Variants in GNPAT observed in about 807,000 individuals in gnomAD.
GNPAT encodes dihydroxyacetone phosphate acyltransferase.
A neutral mutation model predicts 78.4 loss-of-function variants in GNPAT; 30 were observed. The observed-to-expected ratio is 0.38, with a 90% CI of 0.29 to 0.52. The LOEUF (loss-of-function observed/expected upper bound fraction) is 0.52, where lower values mean the gene tolerates loss of function less well. GNPAT is among the 20% of genes least tolerant of loss of function. The probability of loss-of-function intolerance (pLI) is 0.84; values close to 1 mark genes in which losing one functional copy is unlikely to be tolerated. For synonymous variants in GNPAT, 271 were observed against 281.1 expected, an observed-to-expected ratio of 0.96 and a Z score of 0.36; for missense variants, 714 against 812.2, an observed-to-expected ratio of 0.88 and a Z score of 1.47.
intron 9 of GNPAT, chr1:231,269,805 C>T (rs1685503744): frequency 6.6e-6 from 1 of 152,192 alleles, no homozygotes; most frequent in African/African-American, 2.4e-5. Flanking sequence ...TAATCCATAA[C>T]TAAGAGTATC....
chr1:231,247,677 C>G (rs933129566), intron 1 of GNPAT, among the ~76,000 whole-genome samples: 1 of 152,210 alleles, frequency 6.6e-6, no homozygotes, highest in Non-Finnish European at 1.5e-5. Context: ...TTGATCACCA[C>G]TATATCCTCA....
At chr1:231,269,360 G>A (rs1685485699) in intron 9 of GNPAT, among the ~76,000 whole-genome samples, 2 of 152,156 alleles carry the variant, frequency 1.3e-5, no homozygotes, top group African/African-American at 4.8e-5. Flanking sequence ...GGCCCAGATG[G>A]GGTGGTGGGT....
Position 231,246,220 on chromosome 1 carries a change from G to A in GNPAT, c.79-4741G>A, listed in dbSNP as rs534451575. 2.6e-5 allele frequency among the ~76,000 whole-genome samples: 4 copies of A among 152,160 alleles called. No individual in the cohort carries two copies. In the South Asian group the frequency reaches 6.2e-4, roughly 24 times the overall value. ...GCTTTAAATCTGCCCTGGTGGGAGC[G>A]TATATCCCACAAAAATTGACAAATG... On this transcript the variant is annotated intron_variant, in intron 1 of 15. Coordinates refer to ENST00000366647, the MANE Select transcript of GNPAT (RefSeq NM_014236.4).
Position 231,273,923 on chromosome 1 carries a change from A to T in GNPAT, c.1604A>T (p.Asp535Val). 6.2e-7 allele frequency: 1 copy of T among 1,612,772 alleles called. No individual in the cohort carries two copies. The highest frequency in any genetic ancestry group is 8.5e-7 in the Non-Finnish European group (1 of 1,178,838). Residue 535 changes from aspartate to valine, a missense_variant and splice_region_variant, in exon 12 of 16, where the codon GAC becomes GTC. Physicochemically the swap from Asp to Val is radical, Grantham distance 152. Coordinates refer to ENST00000366647, the MANE Select transcript of GNPAT (RefSeq NM_014236.4). ...FIFLPGNTLKDFEEGCYLLCK... is the reference protein window; with the variant it reads ...FIFLPGNTLKVFEEGCYLLCK... Reference sequence around the variant, plus strand: ...TTATGGCTTCCTCTTCCCTTCTAGGACTTTGAAGAAGGCTGTTACCTGCTT... The same window carrying T: ...TTATGGCTTCCTCTTCCCTTCTAGGTCTTTGAAGAAGGCTGTTACCTGCTT...
At position 231,241,404 on chromosome 1, in the gene GNPAT, C is replaced by G; in HGVS notation, c.26C>G (p.Ser9Cys). 6.2e-7 allele frequency: 1 copy of G among 1,614,006 alleles called. No homozygotes were observed. Among genetic ancestry groups the G allele is most frequent in the South Asian group, 1.1e-5 (1 of 91,076 alleles). The change falls in exon 1 of 16, where the codon TCT becomes TGT. Residue 9 changes from serine to cysteine, a missense_variant. By Grantham distance (112) the Ser-to-Cys change is moderately radical. Coordinates refer to ENST00000366647, the MANE Select transcript of GNPAT (RefSeq NM_014236.4). MESSSSSN[S>C]YFSVGPTSPS... The stretch of plus-strand genomic sequence containing the variant: ...ATGGAGTCTTCCAGTTCATCTAACT[C>G]TTATTTCTCCGTTGGCCCAACCAGT...
intron 1 of GNPAT, among the ~76,000 whole-genome samples, chr1:231,242,397 A>C (rs1302522174): frequency 1.3e-5 from 2 of 152,240 alleles, no homozygotes; most frequent in African/African-American, 4.8e-5. Flanking sequence ...GCAGAGCAAG[A>C]TAAACACCCC....
chr1:231,270,649 A>G (rs1685536791), intron 9 of GNPAT, 109 bp from the exon 10 acceptor site: 5 of 1,064,210 alleles, frequency 4.7e-6, no homozygotes, highest in Non-Finnish European at 7.4e-6. Flanking sequence ...AAAACCTGTC[A>G]CTTGAAAATG....
At chr1:231,257,034 A>G (rs1401897574) in intron 2 of GNPAT, among the ~76,000 whole-genome samples, 1 of 152,246 alleles carries the variant, frequency 6.6e-6, no homozygotes, top group Admixed American at 6.5e-5. Flanking sequence ...TAAGTCTTAT[A>G]TTAGGTTTCT....
At chr1:231,252,697 T>G (rs527619791) in intron 2 of GNPAT, among the ~76,000 whole-genome samples, 5 of 151,854 alleles carry the variant, frequency 3.3e-5, no homozygotes, top group African/African-American at 1.2e-4. Context: ...AGGAATATGC[T>G]CTCTCCTTTT....
rs1294560847 is a variant in GNPAT at position 231,277,903 on chromosome 1, TAAAAG to T, written c.*366_*370del. The T allele has an allele frequency of 5.6e-6, 1 of 178,634 alleles. No homozygotes were observed. Among genetic ancestry groups the T allele is most frequent in the Admixed American group, 5.8e-5 (1 of 17,300 alleles). The allele number at this position is 178,634 out of a possible 1,614,324, so 11.1% of individuals were successfully genotyped here. A position where few individuals can be genotyped will look rare whatever the true frequency, so the allele number is the denominator to read the frequency against. On this transcript the variant is annotated 3_prime_UTR_variant, in exon 16 of 16. Transcript: ENST00000366647. The stretch of plus-strand genomic sequence containing the variant: ...TGACAACACTGAAAGCTCTGGATAT[TAAAAG>T]AAAATGAAAAGGGCATATCTACGTT...
chr1:231,245,371 G>A (rs1266539272), intron 1 of GNPAT, among the ~76,000 whole-genome samples: 2 of 151,806 alleles, frequency 1.3e-5, no homozygotes, highest in Non-Finnish European at 2.9e-5. Context: ...CAGCCTCCCA[G>A]TAGCTAGGAC....
Position 231,267,716 on chromosome 1 carries a change from C to T in GNPAT, c.1092C>T (p.Ala364=), listed in dbSNP as rs767164085. Residue 364 remains alanine, a synonymous_variant, in exon 9 of 16, where the codon GCC becomes GCT. Coordinates refer to ENST00000366647, the MANE Select transcript of GNPAT (RefSeq NM_014236.4). ...AGAAACAGTCTGAGGACATGCATGC[C>T]TTTGTCACTGAAGTTGCCTACAAAA... ...IPQKQSEDMH[A]FVTEVAYKME... 7 of 1,609,922 alleles carry T rather than the reference C, an allele frequency of 4.3e-6. No individual in the cohort carries two copies. In the East Asian group the frequency reaches 1.6e-4, roughly 36 times the overall value.
Position 231,267,713 on chromosome 1 carries a change from T to C in GNPAT, c.1089T>C (p.His363=). 1 of 1,608,468 alleles carries C rather than the reference T, an allele frequency of 6.2e-7. No homozygotes were observed. Among genetic ancestry groups the C allele is most frequent in the Middle Eastern group, 1.7e-4 (1 of 6,054 alleles). Residue 363 remains histidine (H), a synonymous_variant, in exon 9 of 16, where the codon CAT becomes CAC. Coordinates refer to ENST00000366647, the MANE Select transcript of GNPAT (RefSeq NM_014236.4). ...YIPQKQSEDM[H]AFVTEVAYKM... is the part of the protein sequence containing the mutation. ...CTCAGAAACAGTCTGAGGACATGCATGCCTTTGTCACTGAAGTTGCCTACA... is the reference window on the plus strand; with the variant it reads ...CTCAGAAACAGTCTGAGGACATGCACGCCTTTGTCACTGAAGTTGCCTACA...
At chr1:231,269,677 A>G (rs1319378394) in intron 9 of GNPAT, among the ~76,000 whole-genome samples, 1 of 152,214 alleles carries the variant, frequency 6.6e-6, no homozygotes, top group South Asian at 2.1e-4. Flanking sequence ...GTTGGATGTC[A>G]TGAGAAATAG....
chr1:231,251,768 A>G (rs978494765), intron 2 of GNPAT, among the ~76,000 whole-genome samples: 1 of 152,208 alleles, frequency 6.6e-6, no homozygotes, highest in Non-Finnish European at 1.5e-5. Context: ...CTCTTGGAGA[A>G]GCTATCAGTT....
At chr1:231,251,233 C>A in intron 2 of GNPAT, 90 bp downstream of exon 2, 1 of 753,872 alleles carries the variant, frequency 1.3e-6, no homozygotes. Context: ...TTAATATATC[C>A]TTTTAGGCTG....
At position 231,274,220 on chromosome 1, in the gene GNPAT, C is replaced by T. The variant is rs569978586; in HGVS notation, c.1743+158C>T. Among the ~76,000 whole-genome samples the T allele has an allele frequency of 2.6e-5, 4 of 152,334 alleles. No homozygotes were observed. In the South Asian group the frequency reaches 8.3e-4, roughly 32 times the overall value. ...TAATACGATCAGTGATTTCACCTCA[C>T]CAGTGAGACCTTGCTCCCCGCATTC... On this transcript the variant is annotated intron_variant, in intron 12 of 15. Transcript: ENST00000366647.
intron 2 of GNPAT, among the ~76,000 whole-genome samples, chr1:231,254,311 TTC>T (rs753465658): frequency 3.0e-4 from 45 of 152,334 alleles, no homozygotes; most frequent in Non-Finnish European, 5.4e-4. Flanking sequence ...TCCCCAGTAA[TTC>T]TGTTTCCCTA....
At chr1:231,263,499 C>T (rs1283918144) in intron 4 of GNPAT, among the ~76,000 whole-genome samples, 1 of 152,182 alleles carries the variant, frequency 6.6e-6, no homozygotes, top group Non-Finnish European at 1.5e-5. Context: ...ACAGAATGCC[C>T]TCAAGGTTCA....
Sources: allele counts gnomAD v4.1 joint callset (sites outside exome capture counted in the v4.1 genomes callset), GRCh38; gene constraint gnomAD v4.1.1; transcripts MANE v1.5; gene names NCBI Gene and HGNC (gene_info 2026-07-23, HGNC 2026-07-21).